ASPHD2: variants seen among roughly 807,000 people sequenced by gnomAD.
The protein encoded by ASPHD2 is aspartate beta-hydroxylase domain-containing protein 2.
A neutral mutation model predicts 34.6 loss-of-function variants in ASPHD2; 12 were observed. That is an observed-to-expected ratio of 0.35 (90% confidence interval 0.22 to 0.56). ASPHD2 has a LOEUF of 0.56. ASPHD2 is among the 20% of genes least tolerant of loss of function. The pLI, the probability that ASPHD2 is intolerant of heterozygous loss-of-function variation, is 0.87. For missense variants in ASPHD2, 375 were observed against 505.0 expected, an observed-to-expected ratio of 0.74 and a Z score of 2.47; for synonymous variants, 224 against 212.2, an observed-to-expected ratio of 1.06 and a Z score of -0.48.
Position 26,433,865 on chromosome 22 carries a change from C to T in ASPHD2, c.250C>T (p.Arg84Trp), listed in dbSNP as rs759302880. Reference sequence around the variant, plus strand: ...TTATCACGTGGGCAGGGAGCAGCCCCGGCCCTACGTCTCCGTCAACTCCCT... The same window carrying T: ...TTATCACGTGGGCAGGGAGCAGCCCTGGCCCTACGTCTCCGTCAACTCCCT... Reference protein sequence around the residue: ...YCYHVGREQPRPYVSVNSLMQ... With the variant: ...YCYHVGREQPWPYVSVNSLMQ... Residue 84 changes from arginine (R) to tryptophan (W), a missense_variant, in exon 2 of 4, where the codon CGG (arginine) becomes TGG (tryptophan). Physicochemically the swap from Arg to Trp is moderately radical, Grantham distance 101. Transcript: ENST00000215906. This position sits in a 1 kb window ranked among gnomAD's most constrained non-coding sequence, Gnocchi z 5.1. The T allele has an allele frequency of 2.9e-5, 47 of 1,613,740 alleles. No individual in the cohort carries two copies. The Admixed American group carries it at 4.3e-4, about 15-fold the overall frequency.
intron 2 of ASPHD2, among the ~76,000 whole-genome samples, chr22:26,436,842 ATGTG>A (rs4049320): frequency 8.9e-4 from 132 of 148,770 alleles, no homozygotes; most frequent in Middle Eastern, 6.9e-3. Flanking sequence ...ATATGCATGC[ATGTG>A]TGTGTGTGTG....
rs112686437 is a variant in ASPHD2, at chr22:26,438,694, C to T, written c.887-3765C>T. On this transcript the variant is annotated intron_variant, in intron 2 of 3. Transcript: ENST00000215906. ...ATACATACATACACACACACACACA[C>T]ATATATATATAAAGGGGAGTTTATT... is the stretch of plus-strand genomic sequence containing the variant. Among the ~76,000 whole-genome samples the T allele has an allele frequency of 1.5e-3, 203 of 137,776 alleles. 3 individuals are homozygous for T. Among genetic ancestry groups the T allele is most frequent in the East Asian group, 5.6e-3 (28 of 4,962 alleles). 90.4% of individuals were successfully genotyped at this position (137,776 alleles called of 152,430 possible).
rs73419324 is a variant in ASPHD2, at chr22:26,430,310, G to A, written c.-225+824G>A. ...GGCTGACCAGGTCAGGCCTGACACC[G>A]GCTCTCCCAGGTGTTCATGGTGTGA... On this transcript the variant is annotated intron_variant, in intron 1 of 3. Coordinates refer to ENST00000215906, the MANE Select transcript of ASPHD2 (RefSeq NM_020437.5). 3.0e-3 allele frequency among the ~76,000 whole-genome samples: 462 copies of A among 152,332 alleles called. 1 individual carries two copies. The highest frequency in any genetic ancestry group is 0.011 in the African/African-American group (448 of 41,566).
chr22:26,438,468 C>T lies in ASPHD2; in HGVS notation c.886+3967C>T, dbSNP rs1006760967. 4.6e-4 allele frequency among the ~76,000 whole-genome samples: 32 copies of T among 69,792 alleles called. No homozygotes were observed. The South Asian group carries it at 0.011, about 23-fold the overall frequency. 45.8% of individuals were successfully genotyped at this position (69,792 alleles called of 152,430 possible). On this transcript the variant is annotated intron_variant, in intron 2 of 3. Coordinates refer to ENST00000215906, the MANE Select transcript of ASPHD2 (RefSeq NM_020437.5). ...ATATATATACATATATATACACACA[C>T]ACATATATATACATATATATAGATA...
chr22:26,440,485 C>G (rs191496029), intron 2 of ASPHD2, among the ~76,000 whole-genome samples: 208 of 152,132 alleles, frequency 1.4e-3, no homozygotes, highest in Middle Eastern at 6.8e-3. Context: ...GCGTCTGCCA[C>G]CATGCCTGGC....
At position 26,433,604 on chromosome 22, in the gene ASPHD2, A is replaced by C. The variant is rs775488681; in HGVS notation, c.-12A>C. 8.1e-6 allele frequency: 13 copies of C among 1,604,402 alleles called. No individual in the cohort carries two copies. In the African/African-American group the frequency reaches 1.2e-4, roughly 15 times the overall value. ...CTGCCCCAGCCGCTCCTTCCCCCCC[A>C]CGCTAATCTGCATGGTGTGGGCGCC... On this transcript the variant is annotated 5_prime_UTR_variant, in exon 2 of 4. Transcript: ENST00000215906. The surrounding 1 kb of genome is among the most constrained non-coding windows in gnomAD (Gnocchi z 5.1).
At chr22:26,430,327 A>G (rs1369753754) in intron 1 of ASPHD2, among the ~76,000 whole-genome samples, 4 of 152,210 alleles carry the variant, frequency 2.6e-5, no homozygotes, top group Non-Finnish European at 5.9e-5. Context: ...CCAGGTGTTC[A>G]TGGTGTGAGA....
chr22:26,438,315 T>C (rs900536806), intron 2 of ASPHD2, among the ~76,000 whole-genome samples: 1 of 152,092 alleles, frequency 6.6e-6, no homozygotes, highest in African/African-American at 2.4e-5. Flanking sequence ...AATCATGGCT[T>C]CTGTCAGGAT....
rs761906699 is a variant in ASPHD2, at chr22:26,433,842, A to T, written c.227A>T (p.Tyr76Phe). ...CLLVLFVWYCYHVGREQPRPY... is the reference protein window; with the variant it reads ...CLLVLFVWYCFHVGREQPRPY... Reference sequence around the variant, plus strand: ...CTGGTCCTCTTCGTGTGGTACTGTTATCACGTGGGCAGGGAGCAGCCCCGG... The same window carrying T: ...CTGGTCCTCTTCGTGTGGTACTGTTTTCACGTGGGCAGGGAGCAGCCCCGG... Residue 76 changes from tyrosine to phenylalanine, a missense_variant, in exon 2 of 4, where the codon TAT becomes TTT. Coordinates refer to ENST00000215906, the MANE Select transcript of ASPHD2 (RefSeq NM_020437.5). This position sits in a 1 kb window ranked among gnomAD's most constrained non-coding sequence, Gnocchi z 5.1. 1.2e-6 allele frequency: 2 copies of T among 1,613,870 alleles called. No homozygotes were observed. Among genetic ancestry groups the T allele is most frequent in the Non-Finnish European group, 1.7e-6 (2 of 1,180,034 alleles).
rs1018648316 is a variant in ASPHD2 at position 26,429,833 on chromosome 22, C to G, written c.-225+347C>G. On this transcript the variant is annotated intron_variant, in intron 1 of 3. Coordinates refer to ENST00000215906, the MANE Select transcript of ASPHD2 (RefSeq NM_020437.5). The surrounding 1 kb of genome is among the most constrained non-coding windows in gnomAD (Gnocchi z 4.5). The stretch of plus-strand genomic sequence containing the variant: ...CTCACCTCCTGTCCCCTCCCCCAGC[C>G]CTCAGCATCACCCACTTCCCATATT... Among the ~76,000 whole-genome samples the G allele has an allele frequency of 2.0e-5, 3 of 152,136 alleles. No individual in the cohort carries two copies. The highest frequency in any genetic ancestry group is 4.8e-5 in the African/African-American group (2 of 41,432).
intron 2 of ASPHD2, among the ~76,000 whole-genome samples, chr22:26,440,814 T>C (rs6519650): frequency 0.38 from 57,738 of 152,062 alleles, 11,218 homozygotes; most frequent in South Asian, 0.47. Flanking sequence ...GCCTTTGATT[T>C]TTTAATCGCA....
intron 2 of ASPHD2, among the ~76,000 whole-genome samples, chr22:26,435,808 G>C (rs551054087): frequency 2.0e-5 from 3 of 152,326 alleles, no homozygotes; most frequent in African/African-American, 7.2e-5. Context: ...AATTTCAAGA[G>C]TAAAGGGCGG....
At position 26,442,635 on chromosome 22, in the gene ASPHD2, G is replaced by A. The variant is rs902348769; in HGVS notation, c.1000+63G>A. On this transcript the variant is annotated intron_variant, in intron 3 of 3. Coordinates refer to ENST00000215906, the MANE Select transcript of ASPHD2 (RefSeq NM_020437.5). ...AATAGACTTTTATTTTTTTAGAGAA[G>A]TTTTAGGTTTCCAGAAAAATCAGGC... 3 of 1,372,732 alleles carry A rather than the reference G, an allele frequency of 2.2e-6. No homozygotes were observed. In the Admixed American group the frequency reaches 6.7e-5, roughly 31 times the overall value. The allele number at this position is 1,372,732 out of a possible 1,614,324, so 85.0% of individuals were successfully genotyped here.
Position 26,433,544 on chromosome 22 carries a change from C to G in ASPHD2, c.-72C>G, listed in dbSNP as rs2084769535. ...TGTCGTTCATCAATGCCGCCCCTGG[C>G]AGTATCTGAGGATCGGTGGCAGCCA... On this transcript the variant is annotated 5_prime_UTR_variant, in exon 2 of 4. Transcript: ENST00000215906. The surrounding 1 kb of genome is among the most constrained non-coding windows in gnomAD (Gnocchi z 5.1). 1 of 1,131,624 alleles carries G rather than the reference C, an allele frequency of 8.8e-7. No homozygotes were observed. Among genetic ancestry groups the G allele is most frequent in the African/African-American group, 1.6e-5 (1 of 64,292 alleles). 70.1% of individuals were successfully genotyped at this position (1,131,624 alleles called of 1,614,324 possible). A position where few individuals can be genotyped will look rare whatever the true frequency, so the allele number is the denominator to read the frequency against.
chr22:26,441,697 G>A (rs759323123), intron 2 of ASPHD2, among the ~76,000 whole-genome samples: 9 of 151,968 alleles, frequency 5.9e-5, no homozygotes, highest in Non-Finnish European at 1.0e-4. Context: ...AGGCTGAGGC[G>A]GGTGGACACG....
At position 26,433,487 on chromosome 22, in the gene ASPHD2, C is replaced by T. The variant is rs1269713513; in HGVS notation, c.-129C>T. On this transcript the variant is annotated 5_prime_UTR_variant, in exon 2 of 4. Coordinates refer to ENST00000215906, the MANE Select transcript of ASPHD2 (RefSeq NM_020437.5). This position sits in a 1 kb window ranked among gnomAD's most constrained non-coding sequence, Gnocchi z 5.1. The stretch of plus-strand genomic sequence containing the variant: ...TTCCACCCCACTGCAGTGACTTTTG[C>T]CGGAAAGTGGAGCAGTGGGCACGGC... 2.9e-6 allele frequency: 2 copies of T among 692,832 alleles called. No individual in the cohort carries two copies. Among genetic ancestry groups the T allele is most frequent in the Non-Finnish European group, 4.8e-6 (2 of 414,372 alleles). 42.9% of individuals were successfully genotyped at this position (692,832 alleles called of 1,614,324 possible). A position where few individuals can be genotyped will look rare whatever the true frequency, so the allele number is the denominator to read the frequency against.
chr22:26,435,645 C>T (rs1253436844), intron 2 of ASPHD2, among the ~76,000 whole-genome samples: 5 of 152,062 alleles, frequency 3.3e-5, no homozygotes, highest in South Asian at 2.1e-4. Context: ...AGCAGCTCTG[C>T]TTCTCCTGCT....
chr22:26,433,151 A>G lies in ASPHD2; in HGVS notation c.-224-241A>G, dbSNP rs1449434592. Among the ~76,000 whole-genome samples the G allele has an allele frequency of 2.6e-5, 4 of 152,004 alleles. No homozygotes were observed. Among genetic ancestry groups the G allele is most frequent in the Admixed American group, 2.0e-4 (3 of 15,262 alleles). ...TCATCTGTAAAATGGGGATAATAGC[A>G]CCTCCTATGGAGGGCACAAAGCAGA... On this transcript the variant is annotated intron_variant, in intron 1 of 3. Transcript: ENST00000215906. This position sits in a 1 kb window ranked among gnomAD's most constrained non-coding sequence, Gnocchi z 5.1.
At chr22:26,431,933 C>T (rs753173520) in intron 1 of ASPHD2, among the ~76,000 whole-genome samples, 4 of 152,214 alleles carry the variant, frequency 2.6e-5, no homozygotes, top group South Asian at 2.1e-4. Flanking sequence ...CAGTGGCTCA[C>T]GCCTGTAATC....
Sources: gnomAD v4.1 joint callset for allele counts (sites outside exome capture counted in the v4.1 genomes callset) on GRCh38, gnomAD v4.1.1 for gene constraint, Gnocchi (gnomAD v3.1) non-coding constraint, MANE v1.5 for transcripts, NCBI Gene and HGNC (gene_info 2026-07-23, HGNC 2026-07-21) for gene names.